MDGA2: variants seen among roughly 807,000 people sequenced by gnomAD.
MDGA2 encodes the protein MAM domain containing glycosylphosphatidylinositol anchor 2, also known as MAM domain-containing glycosylphosphatidylinositol anchor protein 2.
A neutral mutation model predicts 117.8 loss-of-function variants in MDGA2; 40 were observed. The observed-to-expected ratio is 0.34, with a 90% CI of 0.26 to 0.44. The LOEUF is 0.44. Ranked by LOEUF, MDGA2 falls within the 20% of genes least tolerant of loss-of-function variation. The probability of loss-of-function intolerance (pLI) is 1.00; values close to 1 mark genes in which losing one functional copy is unlikely to be tolerated. For missense variants in MDGA2, 1,123 were observed against 1,250.6 expected (o/e 0.90, Z 1.54); for synonymous variants, 452 against 439.0 (o/e 1.03, Z -0.37).
chr14:47,372,280 CAAA>C (rs541737815), intron 1 of MDGA2, among the ~76,000 whole-genome samples: 9 of 150,014 alleles, frequency 6.0e-5, no homozygotes, highest in Non-Finnish European at 1.2e-4. Context: ...TGGCAAAAAA[CAAA>C]AAAAAGTCAA....
chr14:47,547,083 G>T (rs1488123600), intron 1 of MDGA2, among the ~76,000 whole-genome samples: 1 of 152,230 alleles, frequency 6.6e-6, no homozygotes, highest in Non-Finnish European at 1.5e-5. Flanking sequence ...TTTAATGAGG[G>T]TGTCTCACAT....
chr14:47,481,090 CA>C (rs1415124021), intron 1 of MDGA2, among the ~76,000 whole-genome samples: 1 of 151,944 alleles, frequency 6.6e-6, no homozygotes, highest in Non-Finnish European at 1.5e-5. Flanking sequence ...GACATTGCCA[CA>C]GCAAATACGA....
At chr14:47,473,192 A>C (rs1035140240) in intron 1 of MDGA2, among the ~76,000 whole-genome samples, 3 of 152,158 alleles carry the variant, frequency 2.0e-5, no homozygotes, top group African/African-American at 7.2e-5. Context: ...GTGAGGTCAC[A>C]GGGGCACAGA....
intron 1 of MDGA2, among the ~76,000 whole-genome samples, chr14:47,554,093 G>C (rs1240270224): frequency 6.6e-6 from 1 of 152,124 alleles, no homozygotes; most frequent in African/African-American, 2.4e-5. Flanking sequence ...AAGAGCATTT[G>C]ATTCTCTGGA....
chr14:47,375,648 C>A (rs1891461441), intron 1 of MDGA2, among the ~76,000 whole-genome samples: 1 of 152,048 alleles, frequency 6.6e-6, no homozygotes, highest in Admixed American at 6.6e-5. Context: ...CCAATCCTCG[C>A]AACTATCCAG....
intron 5 of MDGA2, among the ~76,000 whole-genome samples, chr14:47,108,553 G>A (rs974874127): frequency 6.6e-6 from 1 of 151,946 alleles, no homozygotes; most frequent in Non-Finnish European, 1.5e-5. Context: ...CCCCCACTGA[G>A]CACCTTGCGA....
At chr14:47,428,577 A>G (rs1021988937) in intron 1 of MDGA2, among the ~76,000 whole-genome samples, 5 of 152,094 alleles carry the variant, frequency 3.3e-5, no homozygotes, top group African/African-American at 1.2e-4. Flanking sequence ...CTCTCTCTAC[A>G]TATATGTTTT....
chr14:47,324,074 T>C (rs1285569319), intron 1 of MDGA2, among the ~76,000 whole-genome samples: 3 of 151,284 alleles, frequency 2.0e-5, no homozygotes, highest in Non-Finnish European at 4.4e-5. Context: ...TGAAACCCTG[T>C]CTCCACTAAA....
intron 15 of MDGA2, among the ~76,000 whole-genome samples, chr14:46,847,113 C>A (rs1453516268): frequency 2.0e-5 from 3 of 152,006 alleles, no homozygotes; most frequent in African/African-American, 7.2e-5. Flanking sequence ...CTTTGATATG[C>A]TCTCATAATA....
chr14:47,271,380 G>A (rs2139703241), intron 2 of MDGA2, among the ~76,000 whole-genome samples: 1 of 152,278 alleles, frequency 6.6e-6, no homozygotes, highest in East Asian at 1.9e-4. Flanking sequence ...CTAAGAGTTT[G>A]CATGTGTTTT....
intron 1 of MDGA2, among the ~76,000 whole-genome samples, chr14:47,661,363 G>A (rs1226728702): frequency 6.6e-6 from 1 of 152,080 alleles, no homozygotes; most frequent in Admixed American, 6.6e-5. Context: ...ACAAGGTGTG[G>A]CATACAGTAG....
At chr14:47,208,309 G>A (rs1156922939) in intron 3 of MDGA2, among the ~76,000 whole-genome samples, 1 of 151,918 alleles carries the variant, frequency 6.6e-6, no homozygotes, top group Admixed American at 6.6e-5. Flanking sequence ...ATAGTATAAT[G>A]TATTCTGAAT....
chr14:47,065,013 T>C (rs1594582545), intron 6 of MDGA2, among the ~76,000 whole-genome samples: 2 of 152,018 alleles, frequency 1.3e-5, no homozygotes, highest in East Asian at 3.9e-4. Context: ...AATTTCTCAG[T>C]CTGAATATTG....
intron 5 of MDGA2, among the ~76,000 whole-genome samples, chr14:47,123,764 G>A (rs993864843): frequency 4.6e-5 from 7 of 151,978 alleles, no homozygotes; most frequent in African/African-American, 1.7e-4. Context: ...CTTATTTCAA[G>A]ATTAATCATC....
chr14:46,913,732 G>C (rs1054975842), intron 10 of MDGA2, among the ~76,000 whole-genome samples: 1 of 152,114 alleles, frequency 6.6e-6, no homozygotes, highest in Non-Finnish European at 1.5e-5. Flanking sequence ...CTCAGTGATC[G>C]TGTCTCTTGC....
chr14:47,277,922 T>A (rs1888356966), intron 2 of MDGA2, among the ~76,000 whole-genome samples: 1 of 151,926 alleles, frequency 6.6e-6, no homozygotes, highest in East Asian at 1.9e-4. Context: ...TTCTGCTCTA[T>A]GACAAAGTGA....
At chr14:47,646,790 C>A (rs1897543299) in intron 1 of MDGA2, among the ~76,000 whole-genome samples, 3 of 152,162 alleles carry the variant, frequency 2.0e-5, no homozygotes, top group Non-Finnish European at 4.4e-5. Context: ...GAATTTTGAT[C>A]AGAGCCATTT....
intron 2 of MDGA2, among the ~76,000 whole-genome samples, chr14:47,257,790 T>G (rs1452802887): frequency 3.3e-5 from 5 of 152,148 alleles, no homozygotes; most frequent in African/African-American, 9.7e-5. Flanking sequence ...ACCTGAAGAC[T>G]TAGGTCAGTT....
At chr14:47,132,931 A>C (rs932521208) in intron 4 of MDGA2, among the ~76,000 whole-genome samples, 1 of 151,938 alleles carries the variant, frequency 6.6e-6, no homozygotes, top group Non-Finnish European at 1.5e-5. Context: ...GACTTACTAC[A>C]TAAAAACACT....
Sources: allele counts gnomAD v4.1 joint callset (sites outside exome capture counted in the v4.1 genomes callset), GRCh38; gene constraint gnomAD v4.1.1; transcripts MANE v1.5; gene names NCBI Gene and HGNC (gene_info 2026-07-23, HGNC 2026-07-21).